The following VIT variants were observed in gnomAD, a reference collection of about 807,000 sequenced individuals.
VIT encodes the protein vitrin.
In VIT, 99 loss-of-function variants were observed where a neutral mutation model predicts 78.0. The ratio of observed to expected loss-of-function variants is 1.27; its 90% CI spans 1.08 to 1.50. VIT has a LOEUF of 1.50. VIT is among the 40% of genes most tolerant of loss of function. The pLI is 0.00. For missense variants in VIT, 1,126 were observed against 875.3 expected (o/e 1.29, Z -3.61); for synonymous variants, 374 against 334.3 (o/e 1.12, Z -1.29).
intron 15 of VIT, among the ~76,000 whole-genome samples, chr2:36,809,719 A>G (rs1387139047): frequency 1.3e-5 from 2 of 152,220 alleles, no homozygotes; most frequent in African/African-American, 2.4e-5. Flanking sequence ...CTAGCCATGT[A>G]CTGGTACCTT....
At chr2:36,775,280 C>T (rs1009193041) in intron 9 of VIT, among the ~76,000 whole-genome samples, 2 of 152,138 alleles carry the variant, frequency 1.3e-5, no homozygotes, top group African/African-American at 2.4e-5. Context: ...TCTTTGTCAA[C>T]GAAGACATCC....
At chr2:36,747,043 AT>A (rs1385740180) in intron 4 of VIT, among the ~76,000 whole-genome samples, 1 of 152,016 alleles carries the variant, frequency 6.6e-6, no homozygotes, top group East Asian at 1.9e-4. Flanking sequence ...TTCTGCTTTA[AT>A]TTCATTGTTT....
At chr2:36,761,105 C>G (rs1008399393) in intron 6 of VIT, among the ~76,000 whole-genome samples, 1 of 152,166 alleles carries the variant, frequency 6.6e-6, no homozygotes, top group Non-Finnish European at 1.5e-5. Context: ...CAAAACTCTG[C>G]GAGCTCTGTT....
chr2:36,787,322 G>A, intron 12 of VIT, 46 bp downstream of exon 12: 1 of 1,583,574 alleles, frequency 6.3e-7, no homozygotes, highest in Non-Finnish European at 8.6e-7. Flanking sequence ...GTCATGCCAT[G>A]TGCTTAATTT....
intron 15 of VIT, among the ~76,000 whole-genome samples, chr2:36,810,440 A>C (rs1667072645): frequency 6.6e-6 from 1 of 152,226 alleles, no homozygotes; most frequent in South Asian, 2.1e-4. Flanking sequence ...ATTTATGTAT[A>C]ATCACTGATC....
intron 1 of VIT, among the ~76,000 whole-genome samples, chr2:36,707,138 G>C (rs1665479280): frequency 6.6e-6 from 1 of 152,154 alleles, no homozygotes; most frequent in Non-Finnish European, 1.5e-5. Context: ...TGCGAGTTAG[G>C]TAGCAGTTAG....
chr2:36,798,600 C>A (rs1666079556), intron 12 of VIT, among the ~76,000 whole-genome samples: 1 of 151,846 alleles, frequency 6.6e-6, no homozygotes, highest in Non-Finnish European at 1.5e-5. Context: ...ATTAAAAATA[C>A]AAAAACAAAT....
At chr2:36,701,712 T>C (rs4670158) in intron 1 of VIT, among the ~76,000 whole-genome samples, 125,462 of 152,132 alleles carry the variant, frequency 0.82, 52,651 homozygotes, top group Middle Eastern at 0.95. Context: ...TGAATTCCCT[T>C]CACCAGGCTT....
At chr2:36,738,039 C>A (rs183274413) in intron 3 of VIT, among the ~76,000 whole-genome samples, 1 of 152,182 alleles carries the variant, frequency 6.6e-6, no homozygotes, top group African/African-American at 2.4e-5. Flanking sequence ...TGGAAAATTA[C>A]GCTAGAAGAG....
intron 1 of VIT, among the ~76,000 whole-genome samples, chr2:36,699,878 T>C (rs74467219): frequency 6.6e-6 from 1 of 152,176 alleles, no homozygotes; most frequent in African/African-American, 2.4e-5. Flanking sequence ...CGGAAAGCTG[T>C]TACTTTTTCA....
chr2:36,731,595 C>T (rs756061323), intron 3 of VIT, among the ~76,000 whole-genome samples: 1 of 152,012 alleles, frequency 6.6e-6, no homozygotes, highest in Non-Finnish European at 1.5e-5. Context: ...TAAACATCCA[C>T]GTCCCTTGCT....
At chr2:36,774,912 A>G in intron 8 of VIT, 90 bp from the exon 9 acceptor site, 1 of 1,580,336 alleles carries the variant, frequency 6.3e-7, no homozygotes, top group East Asian at 2.3e-5. Flanking sequence ...GAAAATCTGA[A>G]CTAAGGTAAT....
intron 2 of VIT, among the ~76,000 whole-genome samples, chr2:36,717,193 T>A (rs1299005086): frequency 2.2e-5 from 3 of 138,820 alleles, no homozygotes; most frequent in Non-Finnish European, 4.7e-5. Flanking sequence ...TTTTTTTTTT[T>A]TTTTTTTGAG....
chr2:36,748,959 A>G (rs758831192), intron 4 of VIT, among the ~76,000 whole-genome samples: 6 of 152,222 alleles, frequency 3.9e-5, no homozygotes, highest in African/African-American at 1.4e-4. Flanking sequence ...TGAAAAACGT[A>G]CAAACTTAAC....
At chr2:36,730,715 G>C (rs1667149167) in intron 3 of VIT, among the ~76,000 whole-genome samples, 1 of 152,322 alleles carries the variant, frequency 6.6e-6, no homozygotes, top group African/African-American at 2.4e-5. Context: ...ATGAGGATAA[G>C]CTGGACATTG....
Position 36,767,362 on chromosome 2 carries a change from G to C in VIT, c.679+77G>C, listed in dbSNP as rs1020271353. ...CTTTTAGAGTAACAGCTCTGTCTGAGCATCTACTGGGCTGGGTGAATGGGG... is the reference window on the plus strand; with the variant it reads ...CTTTTAGAGTAACAGCTCTGTCTGACCATCTACTGGGCTGGGTGAATGGGG... On this transcript the variant is annotated intron_variant, in intron 7 of 15. Transcript: ENST00000379242. 49 of 1,371,156 alleles carry C rather than the reference G, an allele frequency of 3.6e-5. No individual in the cohort carries two copies. The African/African-American group carries it at 6.8e-4, about 19-fold the overall frequency. 84.9% of individuals were successfully genotyped at this position (1,371,156 alleles called of 1,614,324 possible).
intron 4 of VIT, among the ~76,000 whole-genome samples, chr2:36,753,219 G>A (rs1005874068): frequency 7.3e-5 from 9 of 123,184 alleles, no homozygotes; most frequent in Admixed American, 2.6e-4. Flanking sequence ...GTTGGGGGGT[G>A]GGGGAGGGAG....
chr2:36,720,730 C>T (rs1009269844), intron 2 of VIT, among the ~76,000 whole-genome samples: 1 of 152,136 alleles, frequency 6.6e-6, no homozygotes, highest in African/African-American at 2.4e-5. Flanking sequence ...ACTTTCAGGC[C>T]AGAAGTAGTG....
chr2:36,778,788 C>A (rs976631114), intron 9 of VIT, among the ~76,000 whole-genome samples: 1 of 152,172 alleles, frequency 6.6e-6, no homozygotes, highest in Non-Finnish European at 1.5e-5. Flanking sequence ...GAAAGTGCAG[C>A]CCTTGGGACA....
Sources: allele counts gnomAD v4.1 joint callset (sites outside exome capture counted in the v4.1 genomes callset), GRCh38; gene constraint gnomAD v4.1.1; transcripts MANE v1.5; gene names NCBI Gene and HGNC (gene_info 2026-07-23, HGNC 2026-07-21).